DENND11: variants seen among roughly 807,000 people sequenced by gnomAD.
DENND11 encodes DENN domain-containing protein 11.
A neutral mutation model predicts 49.2 loss-of-function variants in DENND11; 34 were observed. The observed-to-expected ratio is 0.69, with a 90% CI of 0.53 to 0.92. The LOEUF is 0.92. Ranked by LOEUF, DENND11 falls within the 40% of genes least tolerant of loss-of-function variation. DENND11 has a pLI of 0.00. For synonymous variants in DENND11, 238 were observed against 230.3 expected (o/e 1.03, Z -0.30); for missense variants, 475 against 581.6 (o/e 0.82, Z 1.88).
rs1435065243 is a variant in DENND11 at position 141,661,567 on chromosome 7, G to A, written c.*1089C>T. 6.6e-6 allele frequency: 1 copy of A among 152,258 alleles called. No individual in the cohort carries two copies. Among genetic ancestry groups the A allele is most frequent in the Non-Finnish European group, 1.5e-5 (1 of 68,058 alleles). The allele number at this position is 152,258 out of a possible 1,614,324, so 9.4% of individuals were successfully genotyped here. Reference sequence around the variant, plus strand: ...CCTAAGGAATGTCACCTCTGCTAAAGAGAAGTGTGTTTGTGAGGGGTCCAA... The same window carrying A: ...CCTAAGGAATGTCACCTCTGCTAAAAAGAAGTGTGTTTGTGAGGGGTCCAA... On this transcript the variant is annotated 3_prime_UTR_variant, in exon 9 of 9. Transcript: ENST00000536163.
chr7:141,671,775 T>C (rs558364514), intron 4 of DENND11, among the ~76,000 whole-genome samples: 2 of 152,324 alleles, frequency 1.3e-5, no homozygotes, highest in South Asian at 4.1e-4. Flanking sequence ...GTCTAAGTTA[T>C]GAGCAGACAG....
At position 141,666,279 on chromosome 7, in the gene DENND11, C is replaced by T. The variant is rs1797892058; in HGVS notation, c.820+8G>A. ...TAAGCAGCACTCCTGACTCTGGCTT[C>T]TGGTTACCTCTATAGCACACCACGC... On this transcript the variant is annotated splice_region_variant and intron_variant, in intron 5 of 8. Transcript: ENST00000536163. 6.3e-7 allele frequency: 1 copy of T among 1,591,248 alleles called. No individual in the cohort carries two copies. Among genetic ancestry groups the T allele is most frequent in the Non-Finnish European group, 8.6e-7 (1 of 1,164,926 alleles).
intron 3 of DENND11, among the ~76,000 whole-genome samples, chr7:141,680,028 C>T (rs1400094740): frequency 2.6e-5 from 4 of 152,188 alleles, no homozygotes; most frequent in Admixed American, 2.6e-4. Context: ...AAATTACATA[C>T]ATATATCCTT....
At chr7:141,679,922 T>G (rs1470472794) in intron 3 of DENND11, among the ~76,000 whole-genome samples, 1 of 152,336 alleles carries the variant, frequency 6.6e-6, no homozygotes, top group Non-Finnish European at 1.5e-5. Context: ...TCATTTTGTG[T>G]TGGCAACGTT....
Position 141,686,566 on chromosome 7 carries a change from C to T in DENND11, c.361G>A (p.Asp121Asn). 1 of 1,605,206 alleles carries T rather than the reference C, an allele frequency of 6.2e-7. No individual in the cohort carries two copies. The highest frequency in any genetic ancestry group is 8.5e-7 in the Non-Finnish European group (1 of 1,172,706). The stretch of plus-strand genomic sequence containing the variant: ...CAGTTCAGAAGTACTTACATGAAAT[C>T]AGATTGGATTTTATGGGACCCACTG... Reference protein sequence around the residue: ...MASGSHKIQSDFIYFRKGPFF... With the variant: ...MASGSHKIQSNFIYFRKGPFF... The change falls in exon 2 of 9, where the codon GAT becomes AAT. Residue 121 changes from aspartate (D) to asparagine (N), a missense_variant. Asp to Asn is a conservative substitution (Grantham distance 23). Coordinates refer to ENST00000536163, the MANE Select transcript of DENND11 (RefSeq NM_001080392.2).
At chr7:141,662,997 G>C in intron 8 of DENND11, 146 bp from the exon 9 acceptor site, 2 of 536,974 alleles carry the variant, frequency 3.7e-6, no homozygotes, top group South Asian at 8.2e-5. Context: ...AAAAAGAAAA[G>C]AGTAAAAGTT....
At chr7:141,668,865 C>CTG (rs77057673) in intron 4 of DENND11, among the ~76,000 whole-genome samples, 17,618 of 152,266 alleles carry the variant, frequency 0.12, 1,403 homozygotes, top group East Asian at 0.35. Context: ...CCTTGTTTCT[C>CTG]TGGCTTTTAC....
intron 3 of DENND11, 48 bp from the exon 4 acceptor site, chr7:141,674,268 AGCCCTGGT>A: frequency 6.7e-7 from 1 of 1,486,026 alleles, no homozygotes; most frequent in African/African-American, 1.5e-5. Context: ...CAGTGAGAAC[AGCCCTGGT>A]CACAGCTCTG....
At chr7:141,692,169 C>T (rs951181103) in intron 1 of DENND11, among the ~76,000 whole-genome samples, 1 of 152,196 alleles carries the variant, frequency 6.6e-6, no homozygotes, top group African/African-American at 2.4e-5. Flanking sequence ...GTCAATGCAA[C>T]AGATGTACTT....
At position 141,665,037 on chromosome 7, in the gene DENND11, A is replaced by T. The variant is rs751273977; in HGVS notation, c.970T>A (p.Phe324Ile). Residue 324 changes from phenylalanine to isoleucine, a missense_variant, in exon 7 of 9, where the codon TTC (phenylalanine) becomes ATC (isoleucine). Coordinates refer to ENST00000536163, the MANE Select transcript of DENND11 (RefSeq NM_001080392.2). Reference sequence around the variant, plus strand: ...TCATACAGCTCCCGCTTCTCCTCGAATATCTTCTCTGTGGTGCCTGTGGAA... The same window carrying T: ...TCATACAGCTCCCGCTTCTCCTCGATTATCTTCTCTGTGGTGCCTGTGGAA... ...SYVACTTEKI[F>I]EEKRELYDVY... The T allele has an allele frequency of 7.4e-6, 12 of 1,613,820 alleles. No individual in the cohort carries two copies. The highest frequency in any genetic ancestry group is 9.3e-6 in the Non-Finnish European group (11 of 1,179,822).
At chr7:141,684,729 G>A (rs551751859) in intron 3 of DENND11, among the ~76,000 whole-genome samples, 21 of 151,898 alleles carry the variant, frequency 1.4e-4, no homozygotes, top group Admixed American at 4.6e-4. Flanking sequence ...TATTTTAAAC[G>A]TACACACATA....
chr7:141,692,783 T>C lies in DENND11; in HGVS notation c.269-6125A>G, dbSNP rs200967294. 2.6e-5 allele frequency among the ~76,000 whole-genome samples: 4 copies of C among 152,232 alleles called. No homozygotes were observed. The East Asian group carries it at 7.7e-4, about 29-fold the overall frequency. On this transcript the variant is annotated intron_variant, in intron 1 of 8. Transcript: ENST00000536163. ...TCACTTGAGCCCAGGAGTTCAAGGC[T>C]ACAAGGAGCTGTGCTCACTCCACTG...
chr7:141,691,837 C>G (rs999189145), intron 1 of DENND11, among the ~76,000 whole-genome samples: 1 of 152,136 alleles, frequency 6.6e-6, no homozygotes, highest in East Asian at 1.9e-4. Flanking sequence ...TTAACTTTTA[C>G]AAGGTGAGAA....
chr7:141,700,177 G>A (rs1484236858), intron 1 of DENND11, among the ~76,000 whole-genome samples: 1 of 152,142 alleles, frequency 6.6e-6, no homozygotes, highest in South Asian at 2.1e-4. Context: ...AAATCAGACC[G>A]TGTGAATGTG....
chr7:141,665,240 T>A lies in DENND11; in HGVS notation c.899A>T (p.Tyr300Phe). The change falls in exon 6 of 9, where the codon TAC (tyrosine) becomes TTC (phenylalanine). Residue 300 changes from tyrosine to phenylalanine, a missense_variant. By Grantham distance (22) the Tyr-to-Phe change is conservative. Coordinates refer to ENST00000536163, the MANE Select transcript of DENND11 (RefSeq NM_001080392.2). ...GTIPESKPFF[Y>F]VNVADIESLE... ...GCTCTCGATGTCAGCCACGTTCACG[T>A]AGAAGAAAGGTTTGGACTCAGGAAT... 3 of 1,613,502 alleles carry A rather than the reference T, an allele frequency of 1.9e-6. No homozygotes were observed.
chr7:141,665,275 G>C lies in DENND11; in HGVS notation c.864C>G (p.Ile288Met). ...CCLANVSLPG[I>M]GGTIPESKPF... ...GTTTGGACTCAGGAATGGTGCCCCC[G>C]ATGCCAGGCAGTGAAACGTTGGCCA... Residue 288 changes from isoleucine (I) to methionine (M), a missense_variant, in exon 6 of 9, where the codon ATC becomes ATG. By Grantham distance (10) the Ile-to-Met change is conservative. Coordinates refer to ENST00000536163, the MANE Select transcript of DENND11 (RefSeq NM_001080392.2). 1 of 1,613,848 alleles carries C rather than the reference G, an allele frequency of 6.2e-7. No homozygotes were observed. Among genetic ancestry groups the C allele is most frequent in the African/African-American group, 1.3e-5 (1 of 75,038 alleles).
intron 4 of DENND11, among the ~76,000 whole-genome samples, chr7:141,666,827 A>G (rs1387769206): frequency 2.6e-5 from 4 of 152,360 alleles, no homozygotes; most frequent in East Asian, 1.9e-4. Context: ...TCCCAAATCT[A>G]TGGGGGCTGC....
At chr7:141,665,574 A>G (rs1797882170) in intron 5 of DENND11, among the ~76,000 whole-genome samples, 1 of 152,166 alleles carries the variant, frequency 6.6e-6, no homozygotes, top group Non-Finnish European at 1.5e-5. Context: ...GGTCTTGCTT[A>G]GAATTTGACC....
intron 3 of DENND11, among the ~76,000 whole-genome samples, chr7:141,680,928 CTCT>C (rs1798139099): frequency 6.6e-6 from 1 of 152,042 alleles, no homozygotes; most frequent in Non-Finnish European, 1.5e-5. Context: ...TATTGGGGGT[CTCT>C]TCTTCATTAT....
Sources: gnomAD v4.1 joint callset for allele counts (sites outside exome capture counted in the v4.1 genomes callset) on GRCh38, gnomAD v4.1.1 for gene constraint, MANE v1.5 for transcripts, NCBI Gene and HGNC (gene_info 2026-07-23, HGNC 2026-07-21) for gene names.